Variants in KLHL8 observed in about 807,000 individuals in gnomAD.
KLHL8 encodes the protein kelch like family member 8.
In KLHL8, 38 loss-of-function variants were observed where a neutral mutation model predicts 63.5. That is an observed-to-expected ratio of 0.60 (90% confidence interval 0.46 to 0.78). The LOEUF (loss-of-function observed/expected upper bound fraction) is 0.78. KLHL8 is among the 30% of genes least tolerant of loss of function. The probability of loss-of-function intolerance (pLI) is 0.00; values close to 1 mark genes in which losing one functional copy is unlikely to be tolerated. For missense variants in KLHL8, 566 were observed against 752.4 expected (o/e 0.75, Z 2.90); for synonymous variants, 224 against 254.3 (o/e 0.88, Z 1.13).
chr4:87,214,415 GATATATAT>G (rs58112792), intron 1 of KLHL8, among the ~76,000 whole-genome samples: 2,270 of 92,766 alleles, frequency 0.024, 43 homozygotes, highest in South Asian at 0.083. Flanking sequence ...GCACATAACA[GATATATAT>G]ATATATATAT....
At chr4:87,208,933 C>T (rs1265551557) in intron 1 of KLHL8, among the ~76,000 whole-genome samples, 1 of 151,932 alleles carries the variant, frequency 6.6e-6, no homozygotes, top group Non-Finnish European at 1.5e-5. Flanking sequence ...TTGGATAGGA[C>T]ACAACAGCTC....
chr4:87,193,451 C>A (rs557375874), intron 2 of KLHL8, among the ~76,000 whole-genome samples: 2 of 152,276 alleles, frequency 1.3e-5, no homozygotes, highest in East Asian at 3.9e-4. Context: ...TTCTGAAGGA[C>A]CTGCCTAAGG....
chr4:87,218,242 C>CTTT (rs538856327), intron 1 of KLHL8, among the ~76,000 whole-genome samples: 3 of 145,500 alleles, frequency 2.1e-5, no homozygotes, highest in South Asian at 2.2e-4. Context: ...ATTTACCCAA[C>CTTT]TTTTTTTTTT....
chr4:87,164,881 G>A (rs1050636259), intron 8 of KLHL8, among the ~76,000 whole-genome samples: 6 of 152,082 alleles, frequency 3.9e-5, no homozygotes, highest in East Asian at 1.9e-4. Flanking sequence ...GGGCGCGGTG[G>A]CTCACGCCTG....
rs186295733 is a variant in KLHL8 at position 87,210,008 on chromosome 4, C to T, written c.-152+10410G>A. On this transcript the variant is annotated intron_variant, in intron 1 of 9. Transcript: ENST00000273963. Reference sequence around the variant, plus strand: ...AGCTGGGACTACATACAGGCACACACCTCCACACCGGGCTAATTTTTGTAT... The same window carrying T: ...AGCTGGGACTACATACAGGCACACATCTCCACACCGGGCTAATTTTTGTAT... 3.8e-4 allele frequency among the ~76,000 whole-genome samples: 58 copies of T among 152,214 alleles called. No individual in the cohort carries two copies. In the East Asian group the frequency reaches 8.7e-3, roughly 23 times the overall value.
chr4:87,170,157 A>T lies in KLHL8; in HGVS notation c.1459T>A (p.Trp487Arg). ...TGACCCATTTCTTTAACTTCTATCCACTTATCCAGATGTGGATCATATCTC... is the reference window on the plus strand; with the variant it reads ...TGACCCATTTCTTTAACTTCTATCCTCTTATCCAGATGTGGATCATATCTC... ...VERYDPHLDK[W>R]IEVKEMGQRR... is the part of the protein sequence containing the mutation. The change falls in exon 8 of 10, where the codon TGG (tryptophan) becomes AGG (arginine). Residue 487 changes from tryptophan to arginine, a missense_variant. Coordinates refer to ENST00000273963, the MANE Select transcript of KLHL8 (RefSeq NM_020803.5). 1 of 1,614,092 alleles carries T rather than the reference A, an allele frequency of 6.2e-7. No individual in the cohort carries two copies. Among genetic ancestry groups the T allele is most frequent in the East Asian group, 2.2e-5 (1 of 44,870 alleles).
At chr4:87,208,606 G>A (rs951426452) in intron 1 of KLHL8, among the ~76,000 whole-genome samples, 1 of 151,986 alleles carries the variant, frequency 6.6e-6, no homozygotes, top group Non-Finnish European at 1.5e-5. Context: ...CCAAAATGCG[G>A]GGACTACAGG....
intron 1 of KLHL8, among the ~76,000 whole-genome samples, chr4:87,200,001 C>T (rs1357282380): frequency 3.4e-5 from 5 of 148,764 alleles, no homozygotes; most frequent in Admixed American, 3.3e-4. Context: ...ATTAGCTGGA[C>T]GTGGTAGCAT....
rs541540456 is a variant in KLHL8, at chr4:87,235,983, T to G, written n.57+4275A>C. Among the ~76,000 whole-genome samples the G allele has an allele frequency of 4.6e-5, 7 of 152,200 alleles. No homozygotes were observed. In the South Asian group the frequency reaches 1.0e-3, roughly 23 times the overall value. ...TGGAGCGCCCTCTGCTGGAATATAT[T>G]GGTAAAACAGCAGTAGTGACGAAGC... On this transcript the variant is annotated intron_variant and non_coding_transcript_variant, in intron 1 of 1. Transcript: ENST00000506274.
intron 1 of KLHL8, among the ~76,000 whole-genome samples, chr4:87,230,204 G>C (rs1168121528): frequency 6.6e-6 from 1 of 152,170 alleles, no homozygotes; most frequent in African/African-American, 2.4e-5. Context: ...CTAAGGTCTT[G>C]ACAAAGGAAA....
chr4:87,164,266 C>A (rs543700002), intron 8 of KLHL8, among the ~76,000 whole-genome samples, 187 bp from the exon 9 acceptor site: 2 of 152,070 alleles, frequency 1.3e-5, no homozygotes, highest in African/African-American at 4.8e-5. Context: ...ATGTTGTCTA[C>A]AATTCCACGT....
At position 87,171,187 on chromosome 4, in the gene KLHL8, A is replaced by C. The variant is rs116061417; in HGVS notation, c.1209-572T>G. On this transcript the variant is annotated intron_variant, in intron 6 of 9. Transcript: ENST00000273963. ...TGATTTAACAGTGATCAAAAAAAAA[A>C]CTCAATTTCTTAAAAAACACACTGC... is the stretch of plus-strand genomic sequence containing the variant. Among the ~76,000 whole-genome samples, 963 of 152,278 alleles carry C rather than the reference A, an allele frequency of 6.3e-3. 2 individuals carry two copies. The highest frequency in any genetic ancestry group is 0.028 in the East Asian group (147 of 5,186).
At chr4:87,208,871 GC>G (rs555408027) in intron 1 of KLHL8, among the ~76,000 whole-genome samples, 176 of 152,176 alleles carry the variant, frequency 1.2e-3, no homozygotes, top group Non-Finnish European at 1.2e-3. Context: ...TATGAAAAGG[GC>G]TTTAATAAAT....
At chr4:87,228,392 C>A (rs926560322) in intron 1 of KLHL8, among the ~76,000 whole-genome samples, 1 of 152,184 alleles carries the variant, frequency 6.6e-6, no homozygotes, top group African/African-American at 2.4e-5. Context: ...ACAGTTTTCT[C>A]AGGGACTATG....
chr4:87,192,012 C>A (rs948607411), intron 2 of KLHL8, among the ~76,000 whole-genome samples: 1 of 152,168 alleles, frequency 6.6e-6, no homozygotes, highest in Admixed American at 6.6e-5. Context: ...CAATCCACCA[C>A]TGATGGGCAC....
At chr4:87,194,061 A>G (rs983970941) in intron 2 of KLHL8, among the ~76,000 whole-genome samples, 3 of 152,164 alleles carry the variant, frequency 2.0e-5, no homozygotes, top group African/African-American at 4.8e-5. Context: ...CATCTGTGCT[A>G]TCTTCTAAAT....
At chr4:87,184,460 C>T (rs1286928519) in intron 3 of KLHL8, among the ~76,000 whole-genome samples, 1 of 152,150 alleles carries the variant, frequency 6.6e-6, no homozygotes, top group Non-Finnish European at 1.5e-5. Flanking sequence ...TATTAGGAAA[C>T]TTTGTTATTA....
At chr4:87,177,764 G>A (rs1355836082) in intron 5 of KLHL8, among the ~76,000 whole-genome samples, 2 of 151,976 alleles carry the variant, frequency 1.3e-5, no homozygotes, top group East Asian at 3.9e-4. Context: ...GCACCACTAT[G>A]TCTGGCTAAA....
chr4:87,193,056 T>C lies in KLHL8; in HGVS notation c.216+2268A>G, dbSNP rs144258426. Among the ~76,000 whole-genome samples the C allele has an allele frequency of 5.2e-3, 797 of 152,256 alleles. 6 individuals carry two copies. The highest frequency in any genetic ancestry group is 0.014 in the Middle Eastern group (4 of 294). Reference sequence around the variant, plus strand: ...GTAGACTTTATAAACACTGTACACTTATGCTACACTAAATTAAAAAAAATA... The same window carrying C: ...GTAGACTTTATAAACACTGTACACTCATGCTACACTAAATTAAAAAAAATA... On this transcript the variant is annotated intron_variant, in intron 2 of 9. Coordinates refer to ENST00000273963, the MANE Select transcript of KLHL8 (RefSeq NM_020803.5).
Sources: gnomAD v4.1 joint callset for allele counts (sites outside exome capture counted in the v4.1 genomes callset) on GRCh38, gnomAD v4.1.1 for gene constraint, MANE v1.5 for transcripts, NCBI Gene and HGNC (gene_info 2026-07-23, HGNC 2026-07-21) for gene names.